LATS2: variants seen among roughly 807,000 people sequenced by gnomAD.
The protein encoded by LATS2 is serine/threonine-protein kinase LATS2.
LATS2 carries 24 observed loss-of-function variants against 76.0 expected under a neutral mutation model. That is an observed-to-expected ratio of 0.32 (90% CI 0.23 to 0.44). The LOEUF (loss-of-function observed/expected upper bound fraction) is 0.44, where lower values mean the gene tolerates loss of function less well. Among genes scored for constraint, LATS2 ranks in the 20% least tolerant of loss-of-function variants. LATS2 has a pLI of 1.00. For missense variants in LATS2, 1,286 were observed against 1,481.2 expected (o/e 0.87, Z 2.16); for synonymous variants, 692 against 635.4 (o/e 1.09, Z -1.34).
chr13:21,028,446 GTAATT>G (rs566647175), intron 2 of LATS2, among the ~76,000 whole-genome samples: 64 of 152,308 alleles, frequency 4.2e-4, no homozygotes, highest in African/African-American at 1.5e-3. Context: ...TATATACCCA[GTAATT>G]TATTTTGATA....
At chr13:21,023,171 A>C (rs1366180868) in intron 2 of LATS2, 1 of 152,126 alleles carries the variant, frequency 6.6e-6, no homozygotes, top group African/African-American at 2.4e-5. Context: ...GAGGGCTCCG[A>C]AGGCCGGGGA....
chr13:21,000,035 GATAAA>G (rs1870973128), intron 2 of LATS2, among the ~76,000 whole-genome samples: 1 of 151,898 alleles, frequency 6.6e-6, no homozygotes, highest in African/African-American at 2.4e-5. Flanking sequence ...AAGAAACACT[GATAAA>G]ATAAAGAGCA....
chr13:21,001,060 G>A (rs1314857473), intron 2 of LATS2, among the ~76,000 whole-genome samples: 1 of 152,176 alleles, frequency 6.6e-6, no homozygotes, highest in African/African-American at 2.4e-5. Flanking sequence ...CATAATTGTG[G>A]ACAGATCACA....
chr13:21,003,731 C>G (rs1301321447), intron 2 of LATS2, among the ~76,000 whole-genome samples: 1 of 151,912 alleles, frequency 6.6e-6, no homozygotes, highest in Non-Finnish European at 1.5e-5. Context: ...CGAGAGCCAC[C>G]ATACCAGGCC....
chr13:21,021,951 C>T (rs928919378), intron 2 of LATS2, among the ~76,000 whole-genome samples: 2 of 152,180 alleles, frequency 1.3e-5, no homozygotes, highest in Non-Finnish European at 2.9e-5. Context: ...TTTACTTAGA[C>T]TATCTGTTTC....
chr13:21,031,411 C>T (rs1167073613), intron 2 of LATS2, among the ~76,000 whole-genome samples: 1 of 152,134 alleles, frequency 6.6e-6, no homozygotes, highest in Admixed American at 6.5e-5. Context: ...TGGGTAATTT[C>T]TACTAATTTA....
chr13:20,995,586 G>T (rs1870717521), intron 2 of LATS2, among the ~76,000 whole-genome samples: 1 of 152,216 alleles, frequency 6.6e-6, no homozygotes, highest in African/African-American at 2.4e-5. Flanking sequence ...TAGGATAGAT[G>T]AAAGGAAGAA....
chr13:21,024,466 A>G (rs935495831), intron 2 of LATS2, among the ~76,000 whole-genome samples: 3 of 152,130 alleles, frequency 2.0e-5, no homozygotes, highest in African/African-American at 7.2e-5. Context: ...TAAATAATAT[A>G]AAAGTTAACC....
intron 2 of LATS2, among the ~76,000 whole-genome samples, chr13:20,996,670 C>T (rs375064398): frequency 1.1e-4 from 16 of 152,052 alleles, no homozygotes; most frequent in Non-Finnish European, 1.6e-4. Flanking sequence ...TGTGAGCCAC[C>T]GTGCCTGGGC....
intron 2 of LATS2, among the ~76,000 whole-genome samples, chr13:21,045,289 T>G (rs879297818): frequency 6.8e-6 from 1 of 147,938 alleles, no homozygotes; most frequent in South Asian, 2.1e-4. Flanking sequence ...AAAAAAAAAA[T>G]GCACAAACCA....
rs373607209 is a variant in LATS2 at position 20,983,198 on chromosome 13, T to C, written c.2482+26A>G. ...GTTAGTGACATCTACACATAGAAAG[T>C]GCATGTGGCACACTTCAGACAATAC... On this transcript the variant is annotated intron_variant, in intron 5 of 7. Coordinates refer to ENST00000382592, the MANE Select transcript of LATS2 (RefSeq NM_014572.3). 1.1e-5 allele frequency: 17 copies of C among 1,515,472 alleles called. No homozygotes were observed. The East Asian group carries it at 1.8e-4, about 16-fold the overall frequency. 93.9% of individuals were successfully genotyped at this position (1,515,472 alleles called of 1,614,324 possible). A position where few individuals can be genotyped will look rare whatever the true frequency, so the allele number is the denominator to read the frequency against.
intron 2 of LATS2, among the ~76,000 whole-genome samples, chr13:21,024,932 G>C (rs1872247900): frequency 6.6e-6 from 1 of 152,172 alleles, no homozygotes. Context: ...GGCTCAGCCA[G>C]GCCCAGAGAC....
In LATS2 at chr13:20,989,027, C is replaced by T. The variant is rs1285216793; in HGVS notation, c.753G>A (p.Ala251=). 7 of 1,558,390 alleles carry T rather than the reference C, an allele frequency of 4.5e-6. No individual in the cohort carries two copies. The highest frequency in any genetic ancestry group is 1.4e-5 in the African/African-American group (1 of 73,826). The change falls in exon 4 of 8, where the codon GCG becomes GCA. Residue 251 remains alanine (A), a synonymous_variant. Coordinates refer to ENST00000382592, the MANE Select transcript of LATS2 (RefSeq NM_014572.3). Reference sequence around the variant, plus strand: ...CCAGCAGGTGCGGCCGCCCGTAGTGCGCGCCCTGCAGCGGGAAGTGTGCCC... The same window carrying T: ...CCAGCAGGTGCGGCCGCCCGTAGTGTGCGCCCTGCAGCGGGAAGTGTGCCC... ...AAGAHFPLQG[A]HYGRPHLLVP...
At chr13:21,005,891 A>T (rs942109805) in intron 2 of LATS2, among the ~76,000 whole-genome samples, 5 of 151,926 alleles carry the variant, frequency 3.3e-5, no homozygotes, top group African/African-American at 1.2e-4. Flanking sequence ...AGGTTGGTGG[A>T]TCACCTGAGG....
intron 2 of LATS2, among the ~76,000 whole-genome samples, chr13:21,017,625 CT>C (rs11304766): frequency 0.93 from 131,711 of 142,332 alleles, 61,407 homozygotes; most frequent in South Asian, 0.99. Context: ...TCATTTCTTT[CT>C]TTTTTTTTTT....
chr13:20,974,727 G>A lies in LATS2; in HGVS notation c.*143C>T. 2 of 873,598 alleles carry A rather than the reference G, an allele frequency of 2.3e-6. No individual in the cohort carries two copies. The highest frequency in any genetic ancestry group is 2.6e-5 in the East Asian group (1 of 37,932). 54.1% of individuals were successfully genotyped at this position (873,598 alleles called of 1,614,324 possible). On this transcript the variant is annotated 3_prime_UTR_variant, in exon 8 of 8. Coordinates refer to ENST00000382592, the MANE Select transcript of LATS2 (RefSeq NM_014572.3). ...AAAGTGTCCTGTTTGGGTTTTCTTG[G>A]TGAAGAGCAGAATTTCAAGTGAAGT... is the stretch of plus-strand genomic sequence containing the variant.
chr13:21,060,360 G>A (rs1439171064), intron 1 of LATS2, among the ~76,000 whole-genome samples: 2 of 152,246 alleles, frequency 1.3e-5, no homozygotes, highest in African/African-American at 2.4e-5. Context: ...TACATCAGAA[G>A]AGAAAGCCAA....
At chr13:21,044,310 CAAAT>C (rs949145518) in intron 2 of LATS2, among the ~76,000 whole-genome samples, 3 of 152,150 alleles carry the variant, frequency 2.0e-5, no homozygotes, top group Non-Finnish European at 4.4e-5. Context: ...TTGGAAATAA[CAAAT>C]AACACTGTTA....
At chr13:21,048,989 A>G (rs1424084424) in intron 1 of LATS2, among the ~76,000 whole-genome samples, 1 of 152,196 alleles carries the variant, frequency 6.6e-6, no homozygotes, top group Non-Finnish European at 1.5e-5. Flanking sequence ...ACTTCAAAAA[A>G]AGAGAGATGC....
Sources: gnomAD v4.1 joint callset for allele counts (sites outside exome capture counted in the v4.1 genomes callset) on GRCh38, gnomAD v4.1.1 for gene constraint, MANE v1.5 for transcripts, NCBI Gene and HGNC (gene_info 2026-07-23, HGNC 2026-07-21) for gene names.